Variants in KCNIP4 observed in about 807,000 individuals in gnomAD.
The protein encoded by KCNIP4 is potassium voltage-gated channel interacting protein 4.
A neutral mutation model predicts 34.0 loss-of-function variants in KCNIP4; 12 were observed. The ratio of observed to expected loss-of-function variants is 0.35; its 90% confidence interval spans 0.23 to 0.57. KCNIP4 has a LOEUF of 0.57. Ranked by LOEUF, KCNIP4 falls within the 20% of genes least tolerant of loss-of-function variation. The pLI is 0.83. For synonymous variants in KCNIP4, 124 were observed against 102.2 expected (o/e 1.21, Z -1.29); for missense variants, 238 against 311.7 (o/e 0.76, Z 1.78).
chr4:21,326,309 T>C (rs762461855), intron 1 of KCNIP4, among the ~76,000 whole-genome samples: 1 of 147,602 alleles, frequency 6.8e-6, no homozygotes, highest in Admixed American at 6.8e-5. Flanking sequence ...TATATATACA[T>C]ATACGCACAC....
At chr4:21,184,799 C>G (rs1389154247) in intron 1 of KCNIP4, among the ~76,000 whole-genome samples, 2 of 152,132 alleles carry the variant, frequency 1.3e-5, no homozygotes, top group Admixed American at 1.3e-4. Context: ...TTGGTGTTGT[C>G]AATATGGCAT....
chr4:21,642,423 G>A (rs1746680524), intron 1 of KCNIP4, among the ~76,000 whole-genome samples: 1 of 152,134 alleles, frequency 6.6e-6, no homozygotes, highest in South Asian at 2.1e-4. Flanking sequence ...TGTCAGCTAT[G>A]AGACAGTACC....
intron 1 of KCNIP4, among the ~76,000 whole-genome samples, chr4:21,461,388 A>C (rs990932371): frequency 6.6e-6 from 1 of 151,828 alleles, no homozygotes; most frequent in Admixed American, 6.6e-5. Context: ...CAGTGCGAAA[A>C]TGGACTAATA....
intron 3 of KCNIP4, among the ~76,000 whole-genome samples, chr4:20,772,293 G>A (rs13137029): frequency 5.3e-5 from 8 of 151,966 alleles, no homozygotes; most frequent in Admixed American, 4.6e-4. Flanking sequence ...CAAAGTATTC[G>A]TTATTTGTTC....
At chr4:21,789,166 C>G (rs946216397) in intron 1 of KCNIP4, among the ~76,000 whole-genome samples, 1 of 151,540 alleles carries the variant, frequency 6.6e-6, no homozygotes, top group African/African-American at 2.4e-5. Flanking sequence ...ACAACTCACA[C>G]TCAACAAATT....
chr4:20,906,338 T>C (rs1381999168), intron 1 of KCNIP4, among the ~76,000 whole-genome samples: 1 of 152,142 alleles, frequency 6.6e-6, no homozygotes, highest in Non-Finnish European at 1.5e-5. Context: ...CCTTACCCCG[T>C]CTGCACTGAA....
chr4:21,104,608 A>G (rs1748310599), intron 1 of KCNIP4, among the ~76,000 whole-genome samples: 1 of 151,922 alleles, frequency 6.6e-6, no homozygotes, highest in African/African-American at 2.4e-5. Context: ...ATTAGATCCC[A>G]TTTGTCAATT....
chr4:20,990,169 A>C (rs915569148), intron 1 of KCNIP4, among the ~76,000 whole-genome samples: 3 of 152,148 alleles, frequency 2.0e-5, no homozygotes, highest in African/African-American at 7.2e-5. Context: ...AAAATGATGA[A>C]AGTTATCTAC....
At position 20,937,222 on chromosome 4, in the gene KCNIP4, C is replaced by CTTTT. The variant is rs397992488; in HGVS notation, c.62-54517_62-54514dup. Among the ~76,000 whole-genome samples the CTTTT allele has an allele frequency of 4.0e-4, 18 of 45,530 alleles. 1 individual carries two copies. Among genetic ancestry groups the CTTTT allele is most frequent in the East Asian group, 2.3e-3 (3 of 1,306 alleles). The allele number at this position is 45,530 out of a possible 152,430, so 29.9% of individuals were successfully genotyped here. A position where few individuals can be genotyped will look rare whatever the true frequency, so the allele number is the denominator to read the frequency against. On this transcript the variant is annotated intron_variant, in intron 1 of 8. Transcript: ENST00000382152. ...TGAGCAAAAGGTGCCCCCAAGGAGTCTTTTTTTTTTTTTTTTTTTTTTTTT... is the reference window on the plus strand; with the variant it reads ...TGAGCAAAAGGTGCCCCCAAGGAGTCTTTTTTTTTTTTTTTTTTTTTTTTTTTTT...
intron 1 of KCNIP4, among the ~76,000 whole-genome samples, chr4:21,361,215 C>T (rs1181731510): frequency 6.6e-6 from 1 of 151,932 alleles, no homozygotes; most frequent in East Asian, 1.9e-4. Context: ...GTGACCTTAC[C>T]TTATAACTTG....
chr4:21,190,574 C>G (rs1755564614), intron 1 of KCNIP4, among the ~76,000 whole-genome samples: 1 of 152,010 alleles, frequency 6.6e-6, no homozygotes, highest in African/African-American at 2.4e-5. Flanking sequence ...GCTGGAGATT[C>G]AGTGATAAAC....
Position 21,824,779 on chromosome 4 carries a change from GA to G in KCNIP4, c.61+123791del, listed in dbSNP as rs1483809465. Reference sequence around the variant, plus strand: ...GGGCTCTATCTGGGCAGCAATCAAGGAGAACCTGTTGGGCTGTTACACCAGA... The same window carrying G: ...GGGCTCTATCTGGGCAGCAATCAAGGGAACCTGTTGGGCTGTTACACCAGA... On this transcript the variant is annotated intron_variant, in intron 1 of 8. Transcript: ENST00000382152. Among the ~76,000 whole-genome samples the G allele has an allele frequency of 2.0e-5, 3 of 152,070 alleles. No homozygotes were observed. The East Asian group carries it at 5.8e-4, about 29-fold the overall frequency.
At chr4:21,635,246 G>A (rs902655908) in intron 1 of KCNIP4, among the ~76,000 whole-genome samples, 4 of 152,118 alleles carry the variant, frequency 2.6e-5, no homozygotes, top group Non-Finnish European at 4.4e-5. Flanking sequence ...ATAAATGGCA[G>A]CATCCTTTCT....
intron 1 of KCNIP4, among the ~76,000 whole-genome samples, chr4:21,821,388 T>C (rs566582845): frequency 6.6e-6 from 1 of 152,262 alleles, no homozygotes; most frequent in Admixed American, 6.5e-5. Context: ...TTCCACCATA[T>C]ATTCAAGAGG....
chr4:21,570,867 T>C (rs1740315243), intron 1 of KCNIP4, among the ~76,000 whole-genome samples: 1 of 152,116 alleles, frequency 6.6e-6, no homozygotes, highest in Non-Finnish European at 1.5e-5. Context: ...ACAGCAGCTG[T>C]TATTTTCCCT....
Position 20,916,429 on chromosome 4 carries a change from T to C in KCNIP4, c.62-33720A>G, listed in dbSNP as rs151316905. The C allele has an allele frequency of 8.1e-4, 622 of 765,234 alleles. 2 individuals are homozygous for C. The highest frequency in any genetic ancestry group is 6.5e-3 in the African/African-American group (342 of 52,710). The allele number at this position is 765,234 out of a possible 1,614,324, so 47.4% of individuals were successfully genotyped here. A position where few individuals can be genotyped will look rare whatever the true frequency, so the allele number is the denominator to read the frequency against. ...TAGCTTTATGCACTAATAGAAAATA[T>C]ATGTGTGGTTTCTGTGTGCAATCTA... is the stretch of plus-strand genomic sequence containing the variant. On this transcript the variant is annotated intron_variant, in intron 1 of 8. Transcript: ENST00000382152.
intron 1 of KCNIP4, among the ~76,000 whole-genome samples, chr4:21,064,288 A>AT (rs1744163923): frequency 2.0e-5 from 3 of 152,034 alleles, no homozygotes; most frequent in African/African-American, 7.3e-5. Context: ...TCTCTTACAT[A>AT]TATTATACAG....
At chr4:20,879,572 G>A (rs1216154523) in intron 2 of KCNIP4, among the ~76,000 whole-genome samples, 1 of 152,276 alleles carries the variant, frequency 6.6e-6, no homozygotes, top group South Asian at 2.1e-4. Flanking sequence ...ATTTAAGAAT[G>A]TCTATGGTTC....
intron 1 of KCNIP4, among the ~76,000 whole-genome samples, chr4:21,909,409 C>T (rs550751063): frequency 6.6e-6 from 1 of 152,238 alleles, no homozygotes; most frequent in South Asian, 2.1e-4. Flanking sequence ...TTGTCTTACA[C>T]ATCACCTCCT....
Sources: gnomAD v4.1 joint callset for allele counts (sites outside exome capture counted in the v4.1 genomes callset) on GRCh38, gnomAD v4.1.1 for gene constraint, MANE v1.5 for transcripts, NCBI Gene and HGNC (gene_info 2026-07-23, HGNC 2026-07-21) for gene names.